The following CLNK variants were observed in gnomAD, a reference collection of about 807,000 sequenced individuals.
CLNK encodes cytokine-dependent hematopoietic cell linker.
In CLNK, 74 loss-of-function variants were observed where a neutral mutation model predicts 68.6. The observed-to-expected ratio is 1.08, with a 90% CI of 0.89 to 1.31. The LOEUF (loss-of-function observed/expected upper bound fraction) is 1.31, where lower values mean the gene tolerates loss of function less well. CLNK is among the 50% of genes most tolerant of loss of function. The pLI is 0.00. For synonymous variants in CLNK, 198 were observed against 172.2 expected (o/e 1.15, Z -1.17); for missense variants, 553 against 515.3 (o/e 1.07, Z -0.71).
chr4:10,725,166 C>G, the CLNK span, among the ~76,000 whole-genome samples: 1 of 152,118 alleles, frequency 6.6e-6, no homozygotes, highest in Admixed American at 6.5e-5. Context: ...ACTGTTTAAC[C>G]AGGGGTTGCT....
intron 16 of CLNK, among the ~76,000 whole-genome samples, chr4:10,511,537 A>G (rs1717583274): frequency 6.6e-6 from 1 of 152,058 alleles, no homozygotes; most frequent in South Asian, 2.1e-4. Flanking sequence ...CTCCTTCCTC[A>G]GGGCCCAGTT....
At position 10,667,719 on chromosome 4, in the gene CLNK, T is replaced by C. The variant is rs896303907; in HGVS notation, c.11+140A>G. 4 of 277,310 alleles carry C rather than the reference T, an allele frequency of 1.4e-5. No individual in the cohort carries two copies. The African/African-American group carries it at 1.6e-4, about 11-fold the overall frequency. The allele number at this position is 277,310 out of a possible 1,614,324, so 17.2% of individuals were successfully genotyped here. Reference sequence around the variant, plus strand: ...GTGTTCTGAACACCAAAGCCCACAATCTCAACCATGGCCTCTCAGGAAATC... The same window carrying C: ...GTGTTCTGAACACCAAAGCCCACAACCTCAACCATGGCCTCTCAGGAAATC... On this transcript the variant is annotated intron_variant, in intron 2 of 18. Coordinates refer to ENST00000226951, the MANE Select transcript of CLNK (RefSeq NM_052964.4).
intron 5 of CLNK, among the ~76,000 whole-genome samples, chr4:10,569,735 G>A (rs1720267537): frequency 6.6e-6 from 1 of 152,186 alleles, no homozygotes; most frequent in Non-Finnish European, 1.5e-5. Context: ...CATGTTATGT[G>A]TAAGCACAGA....
At chr4:10,541,748 A>G (rs7667638) in intron 10 of CLNK, among the ~76,000 whole-genome samples, 108,268 of 152,016 alleles carry the variant, frequency 0.71, 38,893 homozygotes, top group Non-Finnish European at 0.77. Context: ...GGAACAGAAA[A>G]AAACGGGAGG....
At chr4:10,517,092 C>T (rs1303770553) in intron 15 of CLNK, among the ~76,000 whole-genome samples, 1 of 152,004 alleles carries the variant, frequency 6.6e-6, no homozygotes, top group East Asian at 1.9e-4. Flanking sequence ...AGAATCTGCA[C>T]CTTCAGAAAT....
At chr4:10,631,554 A>G (rs1172302390) in intron 2 of CLNK, among the ~76,000 whole-genome samples, 1 of 152,118 alleles carries the variant, frequency 6.6e-6, no homozygotes, top group African/African-American at 2.4e-5. Context: ...CAATCAGTTA[A>G]TCTAGACATG....
At chr4:10,564,272 C>A (rs1336332393) in intron 7 of CLNK, among the ~76,000 whole-genome samples, 1 of 152,086 alleles carries the variant, frequency 6.6e-6, no homozygotes, top group African/African-American at 2.4e-5. Context: ...AGAGAGGTTT[C>A]ATGACTTACT....
At chr4:10,560,928 G>C (rs538258252) in intron 7 of CLNK, among the ~76,000 whole-genome samples, 1 of 151,324 alleles carries the variant, frequency 6.6e-6, no homozygotes, top group African/African-American at 2.4e-5. Flanking sequence ...ACAAGGTCTT[G>C]TTCTGTCACC....
intron 8 of CLNK, 137 bp from the exon 9 acceptor site, chr4:10,542,417 T>C (rs1480978714): frequency 1.6e-6 from 1 of 642,822 alleles, no homozygotes; most frequent in Non-Finnish European, 2.7e-6. Context: ...TGAGATCATA[T>C]GAGATACCCA....
At chr4:10,550,533 C>T (rs201063157) in intron 8 of CLNK, among the ~76,000 whole-genome samples, 1 of 152,030 alleles carries the variant, frequency 6.6e-6, no homozygotes, top group East Asian at 1.9e-4. Flanking sequence ...TAAACATACA[C>T]TTAAGTTACA....
At chr4:10,545,908 G>A (rs534828749) in intron 8 of CLNK, among the ~76,000 whole-genome samples, 30 of 152,232 alleles carry the variant, frequency 2.0e-4, no homozygotes, top group African/African-American at 4.1e-4. Flanking sequence ...TGCTTGAGCC[G>A]GGCAGCCATG....
intron 4 of CLNK, among the ~76,000 whole-genome samples, chr4:10,574,096 C>T (rs111637910): frequency 1.3e-5 from 2 of 152,160 alleles, no homozygotes; most frequent in African/African-American, 4.8e-5. Context: ...CCTAGAGTAC[C>T]TATCTGTGTC....
At chr4:10,688,324 C>T (rs1725343068), upstream of CLNK, among the ~76,000 whole-genome samples, 1 of 152,020 alleles carries the variant, frequency 6.6e-6, no homozygotes, top group Non-Finnish European at 1.5e-5. Context: ...TTTTCACTTT[C>T]TGAATAGTCT....
chr4:10,661,822 A>G (rs1724201263), intron 2 of CLNK, among the ~76,000 whole-genome samples: 1 of 152,244 alleles, frequency 6.6e-6, no homozygotes, highest in South Asian at 2.1e-4. Flanking sequence ...TCATAGGCTC[A>G]GAAGGTAATC....
intron 2 of CLNK, among the ~76,000 whole-genome samples, chr4:10,663,190 C>T (rs1181339885): frequency 6.6e-6 from 1 of 152,200 alleles, no homozygotes; most frequent in African/African-American, 2.4e-5. Flanking sequence ...TGTAATGGGG[C>T]CGCTAGTGGG....
chr4:10,681,750 C>A (rs1359833645), intron 1 of CLNK, among the ~76,000 whole-genome samples: 1 of 152,178 alleles, frequency 6.6e-6, no homozygotes, highest in African/African-American at 2.4e-5. Context: ...GGAACATCAG[C>A]AGGGTACTCA....
intron 18 of CLNK, among the ~76,000 whole-genome samples, chr4:10,495,544 C>T (rs1377502136): frequency 6.6e-6 from 1 of 152,154 alleles, no homozygotes; most frequent in Non-Finnish European, 1.5e-5. Context: ...AGTAAAGGAG[C>T]AGTGGGTGCT....
At position 10,677,211 on chromosome 4, in the gene CLNK, C is replaced by T. The variant is rs372402898; in HGVS notation, c.-43+7457G>A. Among the ~76,000 whole-genome samples, 16 of 152,194 alleles carry T rather than the reference C, an allele frequency of 1.1e-4. No individual in the cohort carries two copies. In the East Asian group the frequency reaches 1.9e-3, roughly 18 times the overall value. On this transcript the variant is annotated intron_variant, in intron 1 of 18. Coordinates refer to ENST00000226951, the MANE Select transcript of CLNK (RefSeq NM_052964.4). The stretch of plus-strand genomic sequence containing the variant: ...TACCACCATTTACAGGTTGGCCCTG[C>T]GGTGAAGATAAGGGTGAAGATAGAT...
At position 10,520,838 on chromosome 4, in the gene CLNK, G is replaced by GA; in HGVS notation, c.732-8dup. The GA allele has an allele frequency of 6.3e-7, 1 of 1,596,126 alleles. No homozygotes were observed. The highest frequency in any genetic ancestry group is 8.6e-7 in the Non-Finnish European group (1 of 1,168,162). The stretch of plus-strand genomic sequence containing the variant: ...GCTTGTCGTGAATGAAGAACTATAA[G>GA]AAAATATGTTAAAATTCAAAGAATG... On this transcript the variant is annotated splice_region_variant and splice_polypyrimidine_tract_variant and intron_variant, in intron 14 of 18. Transcript: ENST00000226951.
Sources: allele counts gnomAD v4.1 joint callset (sites outside exome capture counted in the v4.1 genomes callset), GRCh38; gene constraint gnomAD v4.1.1; transcripts MANE v1.5; gene names NCBI Gene and HGNC (gene_info 2026-07-23, HGNC 2026-07-21).